SEC22A: variants seen among roughly 807,000 people sequenced by gnomAD.
The protein encoded by SEC22A is SEC22 homolog A, vesicle trafficking protein, also known as vesicle-trafficking protein SEC22a.
A neutral mutation model predicts 35.3 loss-of-function variants in SEC22A; 22 were observed. That is an observed-to-expected ratio of 0.62 (90% CI 0.45 to 0.89). The LOEUF (loss-of-function observed/expected upper bound fraction) is 0.89. Ranked by LOEUF, SEC22A falls within the 40% of genes least tolerant of loss-of-function variation. The pLI is 0.00. For missense variants in SEC22A, 354 were observed against 362.5 expected (o/e 0.98, Z 0.19); for synonymous variants, 119 against 129.5 (o/e 0.92, Z 0.55).
At chr3:123,252,458 G>A (rs1937625719) in intron 5 of SEC22A, among the ~76,000 whole-genome samples, 1 of 152,076 alleles carries the variant, frequency 6.6e-6, no homozygotes, top group Non-Finnish European at 1.5e-5. Flanking sequence ...CAGATTGAGT[G>A]GGCTTACTGC....
At chr3:123,254,703 G>A (rs945202316) in intron 5 of SEC22A, among the ~76,000 whole-genome samples, 2 of 152,020 alleles carry the variant, frequency 1.3e-5, no homozygotes, top group African/African-American at 4.8e-5. Context: ...TACATTTGTT[G>A]TCTTGCTCCT....
chr3:123,262,928 C>T (rs1937926040), intron 6 of SEC22A, among the ~76,000 whole-genome samples: 1 of 152,082 alleles, frequency 6.6e-6, no homozygotes, highest in Non-Finnish European at 1.5e-5. Context: ...TACTGGTTTC[C>T]CCCAATGTTA....
chr3:123,230,286 G>A (rs1937297657), intron 4 of SEC22A, among the ~76,000 whole-genome samples: 1 of 152,158 alleles, frequency 6.6e-6, no homozygotes, highest in African/African-American at 2.4e-5. Flanking sequence ...AAAGGACATG[G>A]GTGGTATTAA....
chr3:123,235,220 G>A (rs1576493659), intron 4 of SEC22A, among the ~76,000 whole-genome samples: 2 of 152,166 alleles, frequency 1.3e-5, no homozygotes, highest in South Asian at 4.2e-4. Flanking sequence ...TTCTTCGAAC[G>A]ACACTATTAA....
At chr3:123,237,455 T>C (rs1937443201) in intron 4 of SEC22A, among the ~76,000 whole-genome samples, 1 of 152,196 alleles carries the variant, frequency 6.6e-6, no homozygotes, top group Admixed American at 6.5e-5. Flanking sequence ...TGGAGACTTA[T>C]ACTGGACAGT....
chr3:123,259,417 G>T, intron 5 of SEC22A, 107 bp from the exon 6 acceptor site: 1 of 756,044 alleles, frequency 1.3e-6, no homozygotes, highest in South Asian at 1.7e-5. Context: ...ACCAGTGTGT[G>T]ACAATTTTGA....
intron 6 of SEC22A, among the ~76,000 whole-genome samples, chr3:123,267,421 A>G (rs1938052111): frequency 6.6e-6 from 1 of 152,112 alleles, no homozygotes; most frequent in South Asian, 2.1e-4. Context: ...CGTAATACAT[A>G]CTTAACTCTT....
At chr3:123,261,324 ACAAAAGGGAT>A (rs1180400167) in intron 6 of SEC22A, among the ~76,000 whole-genome samples, 28 of 152,160 alleles carry the variant, frequency 1.8e-4, no homozygotes, top group Non-Finnish European at 4.0e-4. Context: ...CTATCCTGTC[ACAAAAGGGAT>A]AATATCTCAT....
At chr3:123,237,684 T>C (rs1424692671) in intron 4 of SEC22A, among the ~76,000 whole-genome samples, 1 of 152,124 alleles carries the variant, frequency 6.6e-6, no homozygotes, top group East Asian at 1.9e-4. Flanking sequence ...GTATATAACC[T>C]AAATTAGGGG....
intron 2 of SEC22A, among the ~76,000 whole-genome samples, chr3:123,220,442 A>G (rs1246188449): frequency 6.6e-6 from 1 of 152,182 alleles, no homozygotes; most frequent in Non-Finnish European, 1.5e-5. Flanking sequence ...GACAAAGCAT[A>G]TTTTGACCTT....
At chr3:123,259,407 A>G in intron 5 of SEC22A, 117 bp from the exon 6 acceptor site, 1 of 696,096 alleles carries the variant, frequency 1.4e-6, no homozygotes, top group Non-Finnish European at 2.6e-6. Context: ...ATTTCTATAT[A>G]CCAGTGTGTG....
chr3:123,254,857 A>G (rs918587536), intron 5 of SEC22A, among the ~76,000 whole-genome samples: 2 of 151,860 alleles, frequency 1.3e-5, no homozygotes, highest in African/African-American at 2.4e-5. Flanking sequence ...TACATTAGGT[A>G]TATCTCCTAA....
chr3:123,208,029 T>G (rs1936878629), intron 1 of SEC22A, among the ~76,000 whole-genome samples: 1 of 152,172 alleles, frequency 6.6e-6, no homozygotes, highest in Non-Finnish European at 1.5e-5. Flanking sequence ...TTCTTAGAGG[T>G]GAGCATATTC....
intron 6 of SEC22A, among the ~76,000 whole-genome samples, chr3:123,270,781 C>G (rs1047144076): frequency 7.9e-5 from 12 of 152,220 alleles, no homozygotes; most frequent in African/African-American, 2.9e-4. Context: ...ACTTTCTTGA[C>G]CGTTTCATCT....
chr3:123,271,782 C>A lies in SEC22A; in HGVS notation c.*60C>A. 7.3e-7 allele frequency: 1 copy of A among 1,362,258 alleles called. No individual in the cohort carries two copies. Among genetic ancestry groups the A allele is most frequent in the Non-Finnish European group, 1.0e-6 (1 of 962,198 alleles). The allele number at this position is 1,362,258 out of a possible 1,614,324, so 84.4% of individuals were successfully genotyped here. ...GGGATAAGGAGGGAACATATCATAA[C>A]TGCACTGTGATGAAGAAGCTGTTCC... On this transcript the variant is annotated 3_prime_UTR_variant, in exon 7 of 7. Coordinates refer to ENST00000492595, the MANE Select transcript of SEC22A (RefSeq NM_012430.5).
At chr3:123,260,960 C>T (rs1380913353) in intron 6 of SEC22A, among the ~76,000 whole-genome samples, 1 of 151,684 alleles carries the variant, frequency 6.6e-6, no homozygotes. Flanking sequence ...CTCAGCCTCC[C>T]GAGTAGCTGG....
At chr3:123,259,647 G>C (rs1937832291) in intron 6 of SEC22A, 58 bp downstream of exon 6, 2 of 1,125,408 alleles carry the variant, frequency 1.8e-6, no homozygotes. Context: ...TCGGGTATCA[G>C]TTCTAACAAT....
At chr3:123,243,817 T>G (rs1005729732) in intron 4 of SEC22A, 1 of 152,204 alleles carries the variant, frequency 6.6e-6, no homozygotes, top group African/African-American at 2.4e-5. Flanking sequence ...TTTAGGAACT[T>G]TTGCAGAGTC....
intron 2 of SEC22A, among the ~76,000 whole-genome samples, chr3:123,218,039 A>G (rs1937064036): frequency 6.6e-6 from 1 of 152,240 alleles, no homozygotes; most frequent in African/African-American, 2.4e-5. Context: ...TTGTAAATCA[A>G]ATTAGATACT....
Sources: allele counts gnomAD v4.1 joint callset (sites outside exome capture counted in the v4.1 genomes callset), GRCh38; gene constraint gnomAD v4.1.1; transcripts MANE v1.5; gene names NCBI Gene and HGNC (gene_info 2026-07-23, HGNC 2026-07-21).